CASK: variants seen among roughly 807,000 people sequenced by gnomAD.
The protein encoded by CASK is calcium/calmodulin dependent serine protein kinase, also known as peripheral plasma membrane protein CASK.
Under a neutral mutation model 82.9 loss-of-function variants are expected in CASK, and 4 were observed. That is an observed-to-expected ratio of 0.05 (90% CI 0.02 to 0.11). The LOEUF is 0.11. Among genes scored for constraint, CASK ranks in the 10% least tolerant of loss-of-function variants. CASK has a pLI of 1.00. For missense variants in CASK, 358 were observed against 720.9 expected, an observed-to-expected ratio of 0.50 and a Z score of 5.76; for synonymous variants, 259 against 253.5, an observed-to-expected ratio of 1.02 and a Z score of -0.20.
chrX:41,821,294 A>G (rs1411842106), intron 2 of CASK, among the ~76,000 whole-genome samples: 1 of 112,224 alleles, frequency 8.9e-6, no homozygotes, highest in Admixed American at 9.4e-5. Context: ...ATATACTTCA[A>G]CAAAGATATA....
chrX:41,869,027 C>T (rs1158319324), intron 1 of CASK, among the ~76,000 whole-genome samples: 2 of 111,911 alleles, frequency 1.8e-5, no homozygotes, highest in Non-Finnish European at 3.8e-5. Context: ...AAACCTTCCC[C>T]TCTCCATCAT....
rs148922024 is a variant in CASK, at chrX:41,731,248, C to T, written c.429+8136G>A. Among the ~76,000 whole-genome samples the T allele has an allele frequency of 7.5e-3, 839 of 111,363 alleles. 1 individual carries two copies. The highest frequency in any genetic ancestry group is 0.014 in the African/African-American group (429 of 30,674). On this transcript the variant is annotated intron_variant, in intron 5 of 26. Transcript: ENST00000378163. ...CAGCCTGATCAACATAGTGAGACCA[C>T]GTCTCTACAAAAAATAGAAAAATTA...
At chrX:41,574,697 C>T (rs906660312) in intron 15 of CASK, among the ~76,000 whole-genome samples, 2 of 111,802 alleles carry the variant, frequency 1.8e-5, no homozygotes, top group Non-Finnish European at 3.8e-5. Flanking sequence ...CAGGAGGCCT[C>T]GAATGGAGCC....
chrX:41,830,635 T>A (rs191521107), intron 2 of CASK, among the ~76,000 whole-genome samples: 4,116 of 106,544 alleles, frequency 0.039, 86 homozygotes, highest in South Asian at 0.054. Context: ...CCTGGCTAAC[T>A]CGGTGAAACC....
chrX:41,516,268 G>C lies in CASK; in HGVS notation c.*4152C>G, dbSNP rs1474324622. On this transcript the variant is annotated 3_prime_UTR_variant, in exon 27 of 27. Transcript: ENST00000378163. Reference sequence around the variant, plus strand: ...ACAGCTAAACTTCACCCACTAAGCTGGAAAATCTGGGACTCCCCATAGCTC... The same window carrying C: ...ACAGCTAAACTTCACCCACTAAGCTCGAAAATCTGGGACTCCCCATAGCTC... The C allele has an allele frequency of 8.9e-6, 1 of 112,611 alleles. No individual in the cohort carries two copies. Among genetic ancestry groups the C allele is most frequent in the Non-Finnish European group, 1.9e-5 (1 of 53,335 alleles). The allele number at this position is 112,611 out of a possible 1,213,427, so 9.3% of individuals were successfully genotyped here.
At chrX:41,739,199 A>G (rs1569426892) in intron 5 of CASK, among the ~76,000 whole-genome samples, 185 bp downstream of exon 5, 2 of 112,148 alleles carry the variant, frequency 1.8e-5, no homozygotes, top group Non-Finnish European at 1.9e-5. Context: ...AATAAATTGA[A>G]ATTATAGTGT....
At chrX:41,883,861 A>T (rs2071995713) in intron 1 of CASK, among the ~76,000 whole-genome samples, 1 of 111,538 alleles carries the variant, frequency 9.0e-6, no homozygotes, top group African/African-American at 3.3e-5. Flanking sequence ...TGCTTGGAGC[A>T]AAAGAAATCA....
intron 1 of CASK, among the ~76,000 whole-genome samples, chrX:41,921,452 A>C (rs1374231932): frequency 5.3e-5 from 6 of 112,402 alleles, no homozygotes; most frequent in Admixed American, 1.9e-4. Context: ...TTTTATTAAA[A>C]TTAATTGCAC....
intron 1 of CASK, among the ~76,000 whole-genome samples, chrX:41,877,859 A>G (rs1037210979): frequency 3.6e-5 from 4 of 111,519 alleles, no homozygotes; most frequent in African/African-American, 1.3e-4. Flanking sequence ...GTATAGACAT[A>G]GTGGTGATGG....
intron 20 of CASK, among the ~76,000 whole-genome samples, chrX:41,554,397 G>C (rs956199554): frequency 8.9e-6 from 1 of 111,853 alleles, no homozygotes; most frequent in Admixed American, 9.5e-5. Flanking sequence ...TCTTGCTGTA[G>C]AATGCTTATA....
chrX:41,878,656 TACA>T (rs918825535), intron 1 of CASK, among the ~76,000 whole-genome samples: 2 of 111,064 alleles, frequency 1.8e-5, no homozygotes, highest in Non-Finnish European at 3.8e-5. Context: ...TCTTCAGAAA[TACA>T]ACAAGTGTAA....
At chrX:41,801,046 T>G (rs1442682820) in intron 2 of CASK, among the ~76,000 whole-genome samples, 1 of 111,431 alleles carries the variant, frequency 9.0e-6, no homozygotes, top group Non-Finnish European at 1.9e-5. Context: ...GGTGTCAGTA[T>G]CCACAGTTGC....
At chrX:41,549,750 G>C (rs935873177) in intron 21 of CASK, among the ~76,000 whole-genome samples, 2 of 110,021 alleles carry the variant, frequency 1.8e-5, no homozygotes, top group Non-Finnish European at 3.8e-5. Context: ...TGAGATAGGG[G>C]GATTGCTTGA....
At chrX:41,532,496 A>T (rs775464398) in intron 24 of CASK, among the ~76,000 whole-genome samples, 4 of 111,674 alleles carry the variant, frequency 3.6e-5, no homozygotes, top group Non-Finnish European at 7.5e-5. Context: ...TATCCTGCAA[A>T]ACACACTTTA....
chrX:41,649,823 G>T (rs1242639286), intron 8 of CASK, among the ~76,000 whole-genome samples: 1 of 111,001 alleles, frequency 9.0e-6, no homozygotes, highest in East Asian at 2.8e-4. Flanking sequence ...TTTTTCTCTC[G>T]TTGATCTGTC....
At chrX:41,544,963 A>G (rs1235875157) in intron 21 of CASK, among the ~76,000 whole-genome samples, 1 of 111,494 alleles carries the variant, frequency 9.0e-6, no homozygotes, top group Non-Finnish European at 1.9e-5. Flanking sequence ...ATTCTCCAAT[A>G]TTACCTTCTC....
chrX:41,664,521 A>T lies in CASK; in HGVS notation c.708+756T>A, dbSNP rs183788728. Among the ~76,000 whole-genome samples, 4 of 111,382 alleles carry T rather than the reference A, an allele frequency of 3.6e-5. No homozygotes were observed. In the East Asian group the frequency reaches 8.4e-4, roughly 23 times the overall value. On this transcript the variant is annotated intron_variant, in intron 7 of 26. Coordinates refer to ENST00000378163, the MANE Select transcript of CASK (RefSeq NM_001367721.1). ...AATTTCCCCAACTTAAACAGCCTTAACCTGATACCCAGACACACACATCCC... is the reference window on the plus strand; with the variant it reads ...AATTTCCCCAACTTAAACAGCCTTATCCTGATACCCAGACACACACATCCC...
chrX:41,917,833 T>C (rs889557846), intron 1 of CASK, among the ~76,000 whole-genome samples: 1 of 111,334 alleles, frequency 9.0e-6, no homozygotes, highest in South Asian at 3.8e-4. Flanking sequence ...GATCCTAGGA[T>C]CATCAGGAAT....
At chrX:41,638,490 G>A (rs942295807) in intron 8 of CASK, among the ~76,000 whole-genome samples, 8 of 111,450 alleles carry the variant, frequency 7.2e-5, no homozygotes, top group African/African-American at 2.6e-4. Context: ...GGGCTGCAGT[G>A]AGCCATGACT....
Sources: allele counts gnomAD v4.1 joint callset (sites outside exome capture counted in the v4.1 genomes callset), GRCh38; gene constraint gnomAD v4.1.1; transcripts MANE v1.5; gene names NCBI Gene and HGNC (gene_info 2026-07-23, HGNC 2026-07-21).